LDLRAD4: variants seen among roughly 807,000 people sequenced by gnomAD.
LDLRAD4 encodes low density lipoprotein receptor class A domain containing 4, also known as low-density lipoprotein receptor class A domain-containing protein 4.
Under a neutral mutation model 17.0 loss-of-function variants are expected in LDLRAD4, and 5 were observed. The observed-to-expected ratio is 0.29, with a 90% CI of 0.15 to 0.62. LDLRAD4 has a LOEUF of 0.62. Ranked by LOEUF, LDLRAD4 falls within the 20% of genes least tolerant of loss-of-function variation. The probability of loss-of-function intolerance (pLI) is 0.84; values close to 1 mark genes in which losing one functional copy is unlikely to be tolerated. For missense variants in LDLRAD4, 340 were observed against 424.7 expected (o/e 0.80, Z 1.75); for synonymous variants, 168 against 171.8 (o/e 0.98, Z 0.17).
intron 1 of LDLRAD4, among the ~76,000 whole-genome samples, chr18:13,332,750 T>G (rs981533585): frequency 1.3e-5 from 2 of 152,048 alleles, no homozygotes; most frequent in South Asian, 2.1e-4. Context: ...TTTTGTTTTT[T>G]TTTTTTGGTG....
At chr18:13,229,533 G>A (rs185659801) in intron 1 of LDLRAD4, among the ~76,000 whole-genome samples, 36 of 152,250 alleles carry the variant, frequency 2.4e-4, no homozygotes, top group Non-Finnish European at 4.9e-4. Flanking sequence ...CCGCCTTTTG[G>A]AGACATAGAG....
chr18:13,274,173 C>A (rs1024523881), upstream of LDLRAD4, among the ~76,000 whole-genome samples: 2 of 152,292 alleles, frequency 1.3e-5, no homozygotes, highest in Admixed American at 1.3e-4. Flanking sequence ...TGTTTCTGCT[C>A]AGCCTTCTTT....
chr18:13,523,425 G>C (rs1352303167), intron 3 of LDLRAD4, among the ~76,000 whole-genome samples: 1 of 152,214 alleles, frequency 6.6e-6, no homozygotes, highest in Non-Finnish European at 1.5e-5. Flanking sequence ...CCCCAGCCCT[G>C]CAATAGCAAG....
chr18:13,377,901 T>C (rs1434814118), intron 1 of LDLRAD4, among the ~76,000 whole-genome samples: 1 of 152,214 alleles, frequency 6.6e-6, no homozygotes, highest in African/African-American at 2.4e-5. Flanking sequence ...TCACCTTGAA[T>C]TGGATACCGA....
intron 2 of LDLRAD4, among the ~76,000 whole-genome samples, chr18:13,431,930 G>A (rs1318869467): frequency 2.0e-5 from 3 of 152,184 alleles, no homozygotes; most frequent in East Asian, 1.9e-4. Context: ...ATGTCAGCCC[G>A]TCTTTGAGTG....
At chr18:13,391,390 C>T (rs2086264115) in intron 2 of LDLRAD4, among the ~76,000 whole-genome samples, 1 of 152,088 alleles carries the variant, frequency 6.6e-6, no homozygotes, top group African/African-American at 2.4e-5. Context: ...GTTTGGAAGG[C>T]CCCTGTCCCC....
At chr18:13,310,290 A>C (rs1416080726) in intron 1 of LDLRAD4, among the ~76,000 whole-genome samples, 1 of 151,624 alleles carries the variant, frequency 6.6e-6, no homozygotes, top group Non-Finnish European at 1.5e-5. Flanking sequence ...TCGATGCTGA[A>C]GTGAGCTATG....
intron 1 of LDLRAD4, among the ~76,000 whole-genome samples, chr18:13,362,035 C>T (rs77313069): frequency 0.016 from 2,475 of 151,976 alleles, 70 homozygotes; most frequent in African/African-American, 0.058. Context: ...TTGATAGGAG[C>T]GTACACTTGT....
intron 3 of LDLRAD4, among the ~76,000 whole-genome samples, chr18:13,505,833 AAAAC>A (rs2093683345): frequency 6.7e-6 from 1 of 149,848 alleles, no homozygotes; most frequent in African/African-American, 2.5e-5. Flanking sequence ...AACAAAAACA[AAAAC>A]AAAAACAAAA....
At chr18:13,236,148 A>G (rs2042318105) in intron 1 of LDLRAD4, among the ~76,000 whole-genome samples, 1 of 152,168 alleles carries the variant, frequency 6.6e-6, no homozygotes, top group African/African-American at 2.4e-5. Flanking sequence ...TACTCTCTAC[A>G]GAGAGTGGTT....
chr18:13,241,847 T>A (rs959197543), intron 1 of LDLRAD4: 2 of 152,314 alleles, frequency 1.3e-5, no homozygotes, highest in Non-Finnish European at 2.9e-5. Context: ...ATTGCAAAGA[T>A]GACTGTCATG....
At chr18:13,430,527 T>G (rs1211975581) in intron 2 of LDLRAD4, among the ~76,000 whole-genome samples, 2 of 152,142 alleles carry the variant, frequency 1.3e-5, no homozygotes, top group East Asian at 3.9e-4. Context: ...CCTACCACGT[T>G]GTACACAGTG....
At chr18:13,443,281 C>T (rs2091151703) in intron 3 of LDLRAD4, among the ~76,000 whole-genome samples, 1 of 152,178 alleles carries the variant, frequency 6.6e-6, no homozygotes, top group South Asian at 2.1e-4. Flanking sequence ...CTACTTGTCA[C>T]CTGTAGGCAC....
intron 1 of LDLRAD4, among the ~76,000 whole-genome samples, chr18:13,314,487 C>T (rs140353826): frequency 1.2e-4 from 19 of 152,320 alleles, no homozygotes; most frequent in African/African-American, 2.2e-4. Context: ...GACATTCCCA[C>T]GCAGTGATCT....
intron 1 of LDLRAD4, among the ~76,000 whole-genome samples, chr18:13,256,376 G>C (rs1280599239): frequency 6.6e-6 from 1 of 152,192 alleles, no homozygotes; most frequent in Non-Finnish European, 1.5e-5. Flanking sequence ...TGGGGTCACA[G>C]ATCAGCTGCA....
At chr18:13,345,485 A>G (rs2082625969) in intron 1 of LDLRAD4, among the ~76,000 whole-genome samples, 2 of 152,168 alleles carry the variant, frequency 1.3e-5, no homozygotes, top group African/African-American at 4.8e-5. Context: ...TCGGTTTGCC[A>G]GTTTTTTATT....
intron 3 of LDLRAD4, among the ~76,000 whole-genome samples, chr18:13,599,486 ATT>A (rs35131642): frequency 2.5e-3 from 202 of 81,738 alleles, no homozygotes; most frequent in African/African-American, 3.7e-3. Flanking sequence ...TGAGTCTCCA[ATT>A]TTTTTTTTTT....
intron 4 of LDLRAD4, among the ~76,000 whole-genome samples, chr18:13,640,279 C>G (rs946984860): frequency 1.0e-5 from 1 of 97,182 alleles, no homozygotes; most frequent in Non-Finnish European, 1.8e-5. Flanking sequence ...GGCAACAGAG[C>G]GAGATTCCAT....
chr18:13,527,605 G>A (rs934610887), intron 3 of LDLRAD4, among the ~76,000 whole-genome samples: 3 of 152,158 alleles, frequency 2.0e-5, no homozygotes, highest in African/African-American at 7.2e-5. Flanking sequence ...TCTGCTCACC[G>A]GCCCCTCTAG....
Sources: allele counts gnomAD v4.1 joint callset (sites outside exome capture counted in the v4.1 genomes callset), GRCh38; gene constraint gnomAD v4.1.1; transcripts MANE v1.5; gene names NCBI Gene and HGNC (gene_info 2026-07-23, HGNC 2026-07-21).